Variants in PPARA observed in about 807,000 individuals in gnomAD.
PPARA encodes peroxisome proliferator-activated receptor alpha.
A neutral mutation model predicts 42.2 loss-of-function variants in PPARA; 22 were observed. That is an observed-to-expected ratio of 0.52 (90% confidence interval 0.37 to 0.74). The LOEUF is 0.74. PPARA is among the 30% of genes least tolerant of loss of function. The pLI is 0.00. For synonymous variants in PPARA, 242 were observed against 239.3 expected (o/e 1.01, Z -0.10); for missense variants, 465 against 608.2 (o/e 0.76, Z 2.48).
rs1356144792 is a variant in PPARA, at chr22:46,192,108, C to T, written c.-42-6234C>T. ...AAATAGACATTGAACACCTGCTACA[C>T]AGCAGGGATTGTGCTAGAAGTATGG... On this transcript the variant is annotated intron_variant, in intron 3 of 8. Coordinates refer to ENST00000407236, the MANE Select transcript of PPARA (RefSeq NM_005036.6). The surrounding 1 kb of genome is among the most constrained non-coding windows in gnomAD (Gnocchi z 4.3). 2.0e-5 allele frequency among the ~76,000 whole-genome samples: 3 copies of T among 152,184 alleles called. No homozygotes were observed. The highest frequency in any genetic ancestry group is 4.4e-5 in the Non-Finnish European group (3 of 68,042).
intron 4 of PPARA, among the ~76,000 whole-genome samples, chr22:46,198,951 G>A (rs954862339): frequency 3.3e-5 from 5 of 152,122 alleles, no homozygotes; most frequent in African/African-American, 9.7e-5. Flanking sequence ...GAGCCACCGC[G>A]CCCGGCCGAA....
intron 2 of PPARA, among the ~76,000 whole-genome samples, chr22:46,166,639 CAGTAATCA>C (rs1285676311): frequency 6.9e-6 from 1 of 145,642 alleles, no homozygotes; most frequent in Admixed American, 6.7e-5. Context: ...AAACAAAAAA[CAGTAATCA>C]AGCATGAAAA....
rs1215718328 is a variant in PPARA, at chr22:46,167,342, C to G, written c.-126-9411C>G. Among the ~76,000 whole-genome samples, 1 of 151,604 alleles carries G rather than the reference C, an allele frequency of 6.6e-6. No homozygotes were observed. Among genetic ancestry groups the G allele is most frequent in the African/African-American group, 2.4e-5 (1 of 41,206 alleles). On this transcript the variant is annotated intron_variant, in intron 2 of 8. Transcript: ENST00000407236. This position sits in a 1 kb window ranked among gnomAD's most constrained non-coding sequence, Gnocchi z 4.1. Reference sequence around the variant, plus strand: ...TCATATAATTATTATTGAAATGGGTCATAGATCTAATTGTAAGAGTTAAAA... The same window carrying G: ...TCATATAATTATTATTGAAATGGGTGATAGATCTAATTGTAAGAGTTAAAA...
rs1052598644 is a variant in PPARA, at chr22:46,192,593, ATC to A, written c.-42-5746_-42-5745del. On this transcript the variant is annotated intron_variant, in intron 3 of 8. Transcript: ENST00000407236. The surrounding 1 kb of genome is among the most constrained non-coding windows in gnomAD (Gnocchi z 4.3). ...TTAGTTAGTAAGACCTAAAAACTGA[ATC>A]TCAGTAGTTTGAGCTTATGATATAC... is the stretch of plus-strand genomic sequence containing the variant. 5.9e-5 allele frequency among the ~76,000 whole-genome samples: 9 copies of A among 152,354 alleles called. No individual in the cohort carries two copies. Among genetic ancestry groups the A allele is most frequent in the East Asian group, 5.8e-4 (3 of 5,188 alleles).
intron 2 of PPARA, among the ~76,000 whole-genome samples, chr22:46,159,789 G>A (rs1361844126): frequency 6.6e-6 from 1 of 152,136 alleles, no homozygotes; most frequent in Non-Finnish European, 1.5e-5. Context: ...GAAGGGGAGA[G>A]GGTATTTAAA....
At position 46,240,563 on chromosome 22, in the gene PPARA, T is replaced by A. The variant is rs1222886153; in HGVS notation, c.*5183T>A. ...TCACATTCAGAAAAGTAGTATAGAT[T>A]CAGGAGAGGCAAGAAAATTATGCTG... is the stretch of plus-strand genomic sequence containing the variant. On this transcript the variant is annotated 3_prime_UTR_variant, in exon 9 of 9. Coordinates refer to ENST00000407236, the MANE Select transcript of PPARA (RefSeq NM_005036.6). This position sits in a 1 kb window ranked among gnomAD's most constrained non-coding sequence, Gnocchi z 6.0. 1 of 251,462 alleles carries A rather than the reference T, an allele frequency of 4.0e-6. No individual in the cohort carries two copies. The highest frequency in any genetic ancestry group is 5.5e-5 in the Admixed American group (1 of 18,136). 15.6% of individuals were successfully genotyped at this position (251,462 alleles called of 1,614,324 possible).
At chr22:46,179,024 G>C (rs1715383027) in intron 3 of PPARA, among the ~76,000 whole-genome samples, 1 of 152,154 alleles carries the variant, frequency 6.6e-6, no homozygotes. Flanking sequence ...CATCCGGTGA[G>C]GGCCTTCCTG....
rs1936363721 is a variant in PPARA, at chr22:46,241,282, G to C, written c.*5902G>C. ...AAACGGTTATTGACCCCATAGACTA[G>C]GGTAAGAATAAAGGCAATAAATTTG... On this transcript the variant is annotated 3_prime_UTR_variant, in exon 9 of 9. Coordinates refer to ENST00000407236, the MANE Select transcript of PPARA (RefSeq NM_005036.6). This position sits in a 1 kb window ranked among gnomAD's most constrained non-coding sequence, Gnocchi z 5.7. 1 of 152,178 alleles carries C rather than the reference G, an allele frequency of 6.6e-6. No individual in the cohort carries two copies. The highest frequency in any genetic ancestry group is 1.5e-5 in the Non-Finnish European group (1 of 68,042). The allele number at this position is 152,178 out of a possible 1,614,324, so 9.4% of individuals were successfully genotyped here.
At chr22:46,174,826 A>G (rs1470517820) in intron 2 of PPARA, among the ~76,000 whole-genome samples, 2 of 152,196 alleles carry the variant, frequency 1.3e-5, no homozygotes, top group African/African-American at 4.8e-5. Flanking sequence ...CAAAAAAACA[A>G]TCAAACAAAA....
chr22:46,196,675 C>T lies in PPARA; in HGVS notation c.-42-1667C>T, dbSNP rs1932270749. Among the ~76,000 whole-genome samples, 1 of 152,184 alleles carries T rather than the reference C, an allele frequency of 6.6e-6. No homozygotes were observed. The highest frequency in any genetic ancestry group is 1.5e-5 in the Non-Finnish European group (1 of 68,038). On this transcript the variant is annotated intron_variant, in intron 3 of 8. Transcript: ENST00000407236. The surrounding 1 kb of genome is among the most constrained non-coding windows in gnomAD (Gnocchi z 5.6). Reference sequence around the variant, plus strand: ...ATTTCGTTGTTCACCATCTGTGTCCCAGTTACAAGGGAGGCTCCCTGAGAG... The same window carrying T: ...ATTTCGTTGTTCACCATCTGTGTCCTAGTTACAAGGGAGGCTCCCTGAGAG...
chr22:46,243,171 A>G lies in PPARA; in HGVS notation c.*7791A>G, dbSNP rs183131318. 5.0e-4 allele frequency: 76 copies of G among 152,326 alleles called. No homozygotes were observed. Among genetic ancestry groups the G allele is most frequent in the African/African-American group, 1.8e-3 (76 of 41,526 alleles). 9.4% of individuals were successfully genotyped at this position (152,326 alleles called of 1,614,324 possible). On this transcript the variant is annotated 3_prime_UTR_variant, in exon 9 of 9. Transcript: ENST00000407236. This position sits in a 1 kb window ranked among gnomAD's most constrained non-coding sequence, Gnocchi z 5.0. ...AACTTGGCAAAACTTCTTGGTGCATATTGGTTACACCCTCTGGGATTCATA... is the reference window on the plus strand; with the variant it reads ...AACTTGGCAAAACTTCTTGGTGCATGTTGGTTACACCCTCTGGGATTCATA...
Position 46,191,431 on chromosome 22 carries a change from C to A in PPARA, c.-42-6911C>A, listed in dbSNP as rs1017154521. Among the ~76,000 whole-genome samples, 4 of 151,824 alleles carry A rather than the reference C, an allele frequency of 2.6e-5. No individual in the cohort carries two copies. Among genetic ancestry groups the A allele is most frequent in the Non-Finnish European group, 5.9e-5 (4 of 67,988 alleles). On this transcript the variant is annotated intron_variant, in intron 3 of 8. Coordinates refer to ENST00000407236, the MANE Select transcript of PPARA (RefSeq NM_005036.6). The surrounding 1 kb of genome is among the most constrained non-coding windows in gnomAD (Gnocchi z 4.6). ...CTTCCCAAGCTCTGCAACTGTTGCTCCTGAGGAAGGGAGTGGAACTGATAA... is the reference window on the plus strand; with the variant it reads ...CTTCCCAAGCTCTGCAACTGTTGCTACTGAGGAAGGGAGTGGAACTGATAA...
At chr22:46,153,962 T>A (rs1924869623) in intron 2 of PPARA, among the ~76,000 whole-genome samples, 1 of 152,206 alleles carries the variant, frequency 6.6e-6, no homozygotes, top group African/African-American at 2.4e-5. Context: ...ATCGAGTAGG[T>A]TATGAAAAAT....
At chr22:46,172,318 T>TAAAAAA (rs35328780) in intron 2 of PPARA, among the ~76,000 whole-genome samples, 12 of 119,570 alleles carry the variant, frequency 1.0e-4, no homozygotes, top group African/African-American at 3.0e-4. Flanking sequence ...TGCAAGTAAT[T>TAAAAAA]AAAAAAAAAA....
intron 3 of PPARA, among the ~76,000 whole-genome samples, chr22:46,186,734 G>T (rs1347859219): frequency 1.3e-5 from 2 of 151,960 alleles, no homozygotes; most frequent in African/African-American, 2.4e-5. Context: ...ATAAATAAAA[G>T]AAAAGAACAA....
intron 3 of PPARA, among the ~76,000 whole-genome samples, chr22:46,178,402 C>G (rs1329468531): frequency 6.6e-6 from 1 of 152,188 alleles, no homozygotes; most frequent in South Asian, 2.1e-4. Flanking sequence ...TGCTGGACAT[C>G]AGGCAGTGAA....
At position 46,237,016 on chromosome 22, in the gene PPARA, G is replaced by A. The variant is rs572103036; in HGVS notation, c.*1636G>A. 3 of 152,262 alleles carry A rather than the reference G, an allele frequency of 2.0e-5. No homozygotes were observed. The highest frequency in any genetic ancestry group is 6.5e-5 in the Admixed American group (1 of 15,290). The allele number at this position is 152,262 out of a possible 1,614,324, so 9.4% of individuals were successfully genotyped here. A position where few individuals can be genotyped will look rare whatever the true frequency, so the allele number is the denominator to read the frequency against. On this transcript the variant is annotated 3_prime_UTR_variant, in exon 9 of 9. Transcript: ENST00000407236. The surrounding 1 kb of genome is among the most constrained non-coding windows in gnomAD (Gnocchi z 6.7). ...TCTCTGTCCACCTGGTAGATAAATT[G>A]TCCTGTTGAGAATTTTTAGATCTGG...
intron 7 of PPARA, among the ~76,000 whole-genome samples, chr22:46,220,867 C>T (rs575333360): frequency 2.6e-5 from 4 of 151,854 alleles, no homozygotes; most frequent in East Asian, 2.0e-4. Flanking sequence ...TGCTTCAACC[C>T]GGGAGGCAGA....
chr22:46,232,759 T>C lies in PPARA; in HGVS notation c.1159+520T>C, dbSNP rs1301690127. Among the ~76,000 whole-genome samples the C allele has an allele frequency of 6.6e-6, 1 of 151,258 alleles. No homozygotes were observed. Among genetic ancestry groups the C allele is most frequent in the Non-Finnish European group, 1.5e-5 (1 of 67,870 alleles). On this transcript the variant is annotated intron_variant, in intron 8 of 8. Coordinates refer to ENST00000407236, the MANE Select transcript of PPARA (RefSeq NM_005036.6). The surrounding 1 kb of genome is among the most constrained non-coding windows in gnomAD (Gnocchi z 5.3). ...GGGAGGCTGAGGTGGGTGGATCACT[T>C]GAGCCCAGGAGGTTGAGACCAGCCT...
Sources: allele counts gnomAD v4.1 joint callset (sites outside exome capture counted in the v4.1 genomes callset), GRCh38; gene constraint gnomAD v4.1.1; non-coding constraint Gnocchi (gnomAD v3.1); transcripts MANE v1.5; gene names NCBI Gene and HGNC (gene_info 2026-07-23, HGNC 2026-07-21).